Variants in KHNYN observed in about 807,000 individuals in gnomAD.
KHNYN encodes the protein KH and NYN domain containing, also known as protein KHNYN.
In KHNYN, 42 loss-of-function variants were observed where a neutral mutation model predicts 62.7. The observed-to-expected ratio is 0.67, with a 90% CI of 0.52 to 0.87. The LOEUF (loss-of-function observed/expected upper bound fraction) is 0.87, where lower values mean the gene tolerates loss of function less well. Ranked by LOEUF, KHNYN falls within the 40% of genes least tolerant of loss-of-function variation. The pLI is 0.00. For missense variants in KHNYN, 829 were observed against 874.1 expected, an observed-to-expected ratio of 0.95 and a Z score of 0.65; for synonymous variants, 347 against 345.6, an observed-to-expected ratio of 1.00 and a Z score of -0.04.
upstream of KHNYN, chr14:24,429,486 ACTC>A (rs2139373527): frequency 1.1e-4 from 53 of 464,932 alleles, no homozygotes; most frequent in South Asian, 2.1e-4. Flanking sequence ...CCTTCCTCCT[ACTC>A]TTCCTCTCTT....
chr14:24,428,411 G>A (rs1344001686), upstream of KHNYN: 2 of 1,613,696 alleles, frequency 1.2e-6, no homozygotes, highest in Non-Finnish European at 1.7e-6. Context: ...AGGACCTGGG[G>A]GAAGCAGAGC....
In KHNYN at chr14:24,431,465, G is replaced by A. The variant is rs2043110782; in HGVS notation, c.204G>A (p.Glu68=). The A allele has an allele frequency of 1.9e-6, 3 of 1,560,152 alleles. No individual in the cohort carries two copies. The highest frequency in any genetic ancestry group is 2.6e-6 in the Non-Finnish European group (3 of 1,147,750). Reference sequence around the variant, plus strand: ...GACCTTCCCTTCCTCCCAACCAGGAGTACCTGAAGGGCCTCTGCAGCCCAG... The same window carrying A: ...GACCTTCCCTTCCTCCCAACCAGGAATACCTGAAGGGCCTCTGCAGCCCAG... ...GPKENASRAK[E]YLKGLCSPEL... The change falls in exon 3 of 8, where the codon GAG becomes GAA. Residue 68 remains glutamate, a splice_region_variant and synonymous_variant. Transcript: ENST00000553935.
chr14:24,423,449 G>T, the KHNYN span, among the ~76,000 whole-genome samples: 1 of 152,158 alleles, frequency 6.6e-6, no homozygotes, highest in Non-Finnish European at 1.5e-5. Flanking sequence ...ACCGAGACAG[G>T]CAGGAGGAAG....
rs903896782 is a variant in KHNYN at position 24,439,046 on chromosome 14, A to G, written c.*1761A>G. ...GCTGGTCAAAGAGGTGACAATGATT[A>G]AGAGATAACCCAGCGGTCCCTGAGA... is the stretch of plus-strand genomic sequence containing the variant. On this transcript the variant is annotated 3_prime_UTR_variant, in exon 8 of 8. Transcript: ENST00000553935. The G allele has an allele frequency of 6.6e-6, 1 of 152,220 alleles. No individual in the cohort carries two copies. Among genetic ancestry groups the G allele is most frequent in the Admixed American group, 6.5e-5 (1 of 15,268 alleles). 9.4% of individuals were successfully genotyped at this position (152,220 alleles called of 1,614,324 possible).
intron 1 of KHNYN, 153 bp downstream of exon 1, chr14:24,430,272 G>T: frequency 1.4e-6 from 1 of 728,298 alleles, no homozygotes; most frequent in South Asian, 6.0e-5. Flanking sequence ...CCGACGGAGA[G>T]GGGCAGCGGA....
chr14:24,430,676 G>A (rs906519755), intron 1 of KHNYN, 38 bp from the exon 2 acceptor site: 20 of 1,539,898 alleles, frequency 1.3e-5, no homozygotes, highest in Admixed American at 2.0e-5. Flanking sequence ...TTGGATGGAG[G>A]GTACAATGAG....
chr14:24,431,938 C>A lies in KHNYN; in HGVS notation c.677C>A (p.Ala226Asp). ...GGTGCTCAGTGCCAAGGAGTGAGAG[C>A]TCCCCCTAGTGACGGCAGGGAGTCC... The part of the protein sequence containing the change: ...LLGAQCQGVR[A>D]PPSDGRESLD... Residue 226 changes from alanine (A) to aspartate (D), a missense_variant, in exon 3 of 8, where the codon GCT (alanine) becomes GAT (aspartate). Ala to Asp is a moderately radical substitution (Grantham distance 126). Coordinates refer to ENST00000553935, the MANE Select transcript of KHNYN (RefSeq NM_015299.3). The A allele has an allele frequency of 6.2e-7, 1 of 1,613,630 alleles. No individual in the cohort carries two copies. The highest frequency in any genetic ancestry group is 8.5e-7 in the Non-Finnish European group (1 of 1,179,706).
rs1341062719 is a variant in KHNYN, at chr14:24,437,024, G to T, written c.1788-12G>T. 1 of 1,607,750 alleles carries T rather than the reference G, an allele frequency of 6.2e-7. No individual in the cohort carries two copies. Among genetic ancestry groups the T allele is most frequent in the Non-Finnish European group, 8.5e-7 (1 of 1,175,846 alleles). The stretch of plus-strand genomic sequence containing the variant: ...GATGCTCATCAGCTCTTTTTGGTCT[G>T]TTTCTTCCCAGGACACAGGGGTCTT... On this transcript the variant is annotated splice_polypyrimidine_tract_variant and intron_variant, in intron 7 of 7. Transcript: ENST00000553935. This position sits in a 1 kb window ranked among gnomAD's most constrained non-coding sequence, Gnocchi z 5.5.
chr14:24,440,919 G>A lies in KHNYN; in HGVS notation c.*3634G>A. 6.2e-7 allele frequency: 1 copy of A among 1,614,012 alleles called. No homozygotes were observed. ...CATACTCCGCAGTCAGACTGGGCTG[G>A]TAGTAAGCTGCCGGTGGAACACAAT... On this transcript the variant is annotated 3_prime_UTR_variant, in exon 8 of 8. Coordinates refer to ENST00000553935, the MANE Select transcript of KHNYN (RefSeq NM_015299.3).
rs980085038 is a variant in KHNYN, at chr14:24,441,561, G to T, written c.*4276G>T. The stretch of plus-strand genomic sequence containing the variant: ...GAAACATGCATGGATCAAGGGCCTA[G>T]GAAGTCATTTTGCCTGGAAAAGACC... On this transcript the variant is annotated 3_prime_UTR_variant, in exon 8 of 8. Coordinates refer to ENST00000553935, the MANE Select transcript of KHNYN (RefSeq NM_015299.3). The T allele has an allele frequency of 1.3e-4, 114 of 858,134 alleles. No individual in the cohort carries two copies. The highest frequency in any genetic ancestry group is 1.9e-4 in the Non-Finnish European group (110 of 571,310). 53.2% of individuals were successfully genotyped at this position (858,134 alleles called of 1,614,324 possible).
chr14:24,441,483 C>T lies in KHNYN; in HGVS notation c.*4198C>T. On this transcript the variant is annotated 3_prime_UTR_variant, in exon 8 of 8. Coordinates refer to ENST00000553935, the MANE Select transcript of KHNYN (RefSeq NM_015299.3). ...CCCTGGCATTGAGTGATGCCACTCC[C>T]CACTGTTTTTTCAGGGTCTCAATTT... 1.8e-6 allele frequency: 1 copy of T among 548,892 alleles called. No homozygotes were observed. Among genetic ancestry groups the T allele is most frequent in the Non-Finnish European group, 3.1e-6 (1 of 319,260 alleles). The allele number at this position is 548,892 out of a possible 1,614,324, so 34.0% of individuals were successfully genotyped here. A position where few individuals can be genotyped will look rare whatever the true frequency, so the allele number is the denominator to read the frequency against.
In KHNYN at chr14:24,432,356, A is replaced by G; in HGVS notation, c.1095A>G (p.Glu365=). 1 of 1,613,586 alleles carries G rather than the reference A, an allele frequency of 6.2e-7. No individual in the cohort carries two copies. Among genetic ancestry groups the G allele is most frequent in the Non-Finnish European group, 8.5e-7 (1 of 1,179,890 alleles). ...PRVPSPPPAP[E]PPWHCGDRGD... Reference sequence around the variant, plus strand: ...TGCCCAGCCCTCCACCTGCACCGGAACCCCCATGGCACTGTGGAGACCGGG... The same window carrying G: ...TGCCCAGCCCTCCACCTGCACCGGAGCCCCCATGGCACTGTGGAGACCGGG... Residue 365 remains glutamate, a synonymous_variant, in exon 3 of 8, where the codon GAA becomes GAG. Coordinates refer to ENST00000553935, the MANE Select transcript of KHNYN (RefSeq NM_015299.3). This position sits in a 1 kb window ranked among gnomAD's most constrained non-coding sequence, Gnocchi z 5.6.
At position 24,440,227 on chromosome 14, in the gene KHNYN, G is replaced by A. The variant is rs760214186; in HGVS notation, c.*2942G>A. ...GCCCAAAGACAGCTTGCACCACAGC[G>A]CTGGGGAGAGGGATGAAGGCTCGGC... On this transcript the variant is annotated 3_prime_UTR_variant, in exon 8 of 8. Coordinates refer to ENST00000553935, the MANE Select transcript of KHNYN (RefSeq NM_015299.3). 7 of 1,613,960 alleles carry A rather than the reference G, an allele frequency of 4.3e-6. No homozygotes were observed. The highest frequency in any genetic ancestry group is 2.7e-5 in the African/African-American group (2 of 75,070).
At chr14:24,427,966 C>T (rs759115311), upstream of KHNYN, 2 of 1,613,390 alleles carry the variant, frequency 1.2e-6, no homozygotes, top group African/African-American at 1.3e-5. This position sits in a 1 kb window ranked among gnomAD's most constrained non-coding sequence, Gnocchi z 4.4. Flanking sequence ...TGACAGGCCA[C>T]GTGTTCAGCA....
rs1021418819 is a variant in KHNYN, at chr14:24,437,329, C to T, written c.*44C>T. 6.3e-7 allele frequency: 1 copy of T among 1,579,054 alleles called. No homozygotes were observed. The stretch of plus-strand genomic sequence containing the variant: ...GCTGCCGCCCTGTCAGCTCCAGCCG[C>T]CTCCAGCTCAGCCCTTTCTGTGAGA... On this transcript the variant is annotated 3_prime_UTR_variant, in exon 8 of 8. Transcript: ENST00000553935. The surrounding 1 kb of genome is among the most constrained non-coding windows in gnomAD (Gnocchi z 5.5).
chr14:24,429,799 G>A (rs1182017304), upstream of KHNYN: 8 of 1,083,868 alleles, frequency 7.4e-6, no homozygotes, highest in Admixed American at 5.0e-5. Context: ...GAGGGCTGGT[G>A]AGAAGCGCAA....
At chr14:24,428,254 G>A (rs748118350), upstream of KHNYN, 9 of 1,611,266 alleles carry the variant, frequency 5.6e-6, no homozygotes, top group Non-Finnish European at 5.1e-6. Context: ...CCACCCTCCT[G>A]AGCCGGGGAT....
chr14:24,427,763 T>A, upstream of KHNYN: 1 of 1,611,842 alleles, frequency 6.2e-7, no homozygotes, highest in South Asian at 1.1e-5. This position sits in a 1 kb window ranked among gnomAD's most constrained non-coding sequence, Gnocchi z 4.4. Flanking sequence ...AGGGGCTGGA[T>A]TCTTGTGCTT....
upstream of KHNYN, chr14:24,427,652 T>C (rs1842845845): frequency 1.2e-6 from 1 of 814,526 alleles, no homozygotes; most frequent in South Asian, 1.6e-5. The surrounding 1 kb of genome is among the most constrained non-coding windows in gnomAD (Gnocchi z 4.4). Flanking sequence ...ACTTGGGTGT[T>C]TGGCACAGGG....
Sources: allele counts gnomAD v4.1 joint callset (sites outside exome capture counted in the v4.1 genomes callset), GRCh38; gene constraint gnomAD v4.1.1; non-coding constraint Gnocchi (gnomAD v3.1); transcripts MANE v1.5; gene names NCBI Gene and HGNC (gene_info 2026-07-23, HGNC 2026-07-21).